The following ATP2A2 variants were observed in gnomAD, a reference collection of about 807,000 sequenced individuals.
The protein encoded by ATP2A2 is sarcoplasmic/endoplasmic reticulum calcium ATPase 2.
A neutral mutation model predicts 109.3 loss-of-function variants in ATP2A2; 14 were observed. That is an observed-to-expected ratio of 0.13 (90% CI 0.08 to 0.20). The LOEUF (loss-of-function observed/expected upper bound fraction) is 0.20, where lower values mean the gene tolerates loss of function less well. ATP2A2 is among the 10% of genes least tolerant of loss of function. The pLI, the probability that ATP2A2 is intolerant of heterozygous loss-of-function variation, is 1.00. For synonymous variants in ATP2A2, 506 were observed against 490.9 expected, an observed-to-expected ratio of 1.03 and a Z score of -0.41; for missense variants, 657 against 1,321.6, an observed-to-expected ratio of 0.50 and a Z score of 7.80.
chr12:110,342,298 C>T lies in ATP2A2; in HGVS notation c.2168C>T (p.Thr723Ile). The stretch of plus-strand genomic sequence containing the variant: ...ATTGGCATTGCTATGGGCTCTGGCA[C>T]TGCGGTGGCTAAAACCGCCTCTGAG... Reference protein sequence around the residue: ...AEIGIAMGSGTAVAKTASEMV... With the variant: ...AEIGIAMGSGIAVAKTASEMV... Residue 723 changes from threonine to isoleucine, a missense_variant, in exon 15 of 20, where the codon ACT (threonine) becomes ATT (isoleucine). Coordinates refer to ENST00000539276, the MANE Select transcript of ATP2A2 (RefSeq NM_170665.4). This position sits in a 1 kb window ranked among gnomAD's most constrained non-coding sequence, Gnocchi z 4.6. The T allele has an allele frequency of 6.2e-7, 1 of 1,614,226 alleles. No individual in the cohort carries two copies. Among genetic ancestry groups the T allele is most frequent in the Non-Finnish European group, 8.5e-7 (1 of 1,180,038 alleles).
At chr12:110,304,399 T>G (rs1875033264) in intron 5 of ATP2A2, among the ~76,000 whole-genome samples, 2 of 152,218 alleles carry the variant, frequency 1.3e-5, no homozygotes, top group South Asian at 4.1e-4. Flanking sequence ...TTGTTCTACA[T>G]TCCCACCAAC....
At chr12:110,308,329 A>AGT (rs1281406585) in intron 5 of ATP2A2, among the ~76,000 whole-genome samples, 1 of 152,164 alleles carries the variant, frequency 6.6e-6, no homozygotes, top group Non-Finnish European at 1.5e-5. Flanking sequence ...TTCACAGTGA[A>AGT]GTGTGACATA....
chr12:110,300,589 C>T (rs1874516943), intron 5 of ATP2A2, among the ~76,000 whole-genome samples: 1 of 151,514 alleles, frequency 6.6e-6, no homozygotes, highest in Non-Finnish European at 1.5e-5. Context: ...ATCCTCCCGC[C>T]TCAGCCTCCC....
chr12:110,329,894 A>G (rs1878178258), intron 8 of ATP2A2: 1 of 152,256 alleles, frequency 6.6e-6, no homozygotes, highest in African/African-American at 2.4e-5. Context: ...AAAGGTACAC[A>G]TGACTCATAC....
At position 110,346,198 on chromosome 12, in the gene ATP2A2, C is replaced by T; in HGVS notation, c.2860-3C>T. On this transcript the variant is annotated splice_polypyrimidine_tract_variant and splice_region_variant and intron_variant, in intron 19 of 19. Coordinates refer to ENST00000539276, the MANE Select transcript of ATP2A2 (RefSeq NM_170665.4). ...GGCGTGACACGTCTTCCCTGTGTGT[C>T]AGCTCATCTTCCAGATCACACCGCT... The T allele has an allele frequency of 6.2e-7, 1 of 1,614,112 alleles. No individual in the cohort carries two copies. Among genetic ancestry groups the T allele is most frequent in the Non-Finnish European group, 8.5e-7 (1 of 1,180,046 alleles).
intron 5 of ATP2A2, among the ~76,000 whole-genome samples, chr12:110,315,783 A>G (rs1876596465): frequency 6.6e-6 from 1 of 152,212 alleles, no homozygotes; most frequent in African/African-American, 2.4e-5. Flanking sequence ...TCTACTAAAA[A>G]TACAAAACTT....
In ATP2A2 at chr12:110,347,291, AAAAAT is replaced by A; in HGVS notation, c.*826_*830del. On this transcript the variant is annotated 3_prime_UTR_variant, in exon 20 of 20. Coordinates refer to ENST00000539276, the MANE Select transcript of ATP2A2 (RefSeq NM_170665.4). Reference sequence around the variant, plus strand: ...TCAGTGGCACGTCATCTAGTTTTAAAAAAATAAAACATTTTAAATGGACAGAGAAA... The same window carrying A: ...TCAGTGGCACGTCATCTAGTTTTAAAAAAACATTTTAAATGGACAGAGAAA... 1.6e-6 allele frequency: 2 copies of A among 1,260,986 alleles called. No individual in the cohort carries two copies. Among genetic ancestry groups the A allele is most frequent in the Non-Finnish European group, 2.1e-6 (2 of 971,832 alleles). The allele number at this position is 1,260,986 out of a possible 1,614,324, so 78.1% of individuals were successfully genotyped here.
At chr12:110,325,409 G>A (rs112908410) in intron 6 of ATP2A2, among the ~76,000 whole-genome samples, 2,326 of 151,658 alleles carry the variant, frequency 0.015, 55 homozygotes, top group African/African-American at 0.053. Context: ...CGAGGTGGGG[G>A]GATCACCTCA....
At chr12:110,325,095 A>G (rs1055093150) in intron 6 of ATP2A2, among the ~76,000 whole-genome samples, 3 of 152,046 alleles carry the variant, frequency 2.0e-5, no homozygotes, top group African/African-American at 7.2e-5. Flanking sequence ...TTACAGACAT[A>G]AGTCATCACA....
chr12:110,341,897 A>G (rs966899126), intron 14 of ATP2A2, among the ~76,000 whole-genome samples: 1 of 152,190 alleles, frequency 6.6e-6, no homozygotes, highest in African/African-American at 2.4e-5. Flanking sequence ...TATTTTTGCA[A>G]TCTGCATCTT....
chr12:110,339,480 A>T lies in ATP2A2; in HGVS notation c.1543-23A>T, dbSNP rs1387338410. On this transcript the variant is annotated intron_variant, in intron 12 of 19. Transcript: ENST00000539276. This position sits in a 1 kb window ranked among gnomAD's most constrained non-coding sequence, Gnocchi z 4.4. ...GTGAACCAATAAAACAAAATTGTTT[A>T]TCTAAATCTGTAACATTTCCAGGGT... The T allele has an allele frequency of 1.2e-6, 2 of 1,613,974 alleles. No homozygotes were observed. Among genetic ancestry groups the T allele is most frequent in the Admixed American group, 3.3e-5 (2 of 59,966 alleles).
At chr12:110,341,239 C>CT (rs1046067798) in intron 14 of ATP2A2, among the ~76,000 whole-genome samples, 1 of 150,712 alleles carries the variant, frequency 6.6e-6, no homozygotes, top group Non-Finnish European at 1.5e-5. Context: ...ATCTGGTGAT[C>CT]TAGTCTCTTT....
intron 5 of ATP2A2, among the ~76,000 whole-genome samples, chr12:110,305,020 G>T (rs112981283): frequency 6.6e-6 from 1 of 151,654 alleles, no homozygotes; most frequent in East Asian, 1.9e-4. Context: ...TGCAACCTCC[G>T]CCTCCTGGGT....
chr12:110,322,048 TG>T (rs1225864278), intron 5 of ATP2A2, among the ~76,000 whole-genome samples: 1 of 152,130 alleles, frequency 6.6e-6, no homozygotes, highest in Non-Finnish European at 1.5e-5. Flanking sequence ...TGGAGTGCAG[TG>T]GCGCGATCTC....
At chr12:110,296,016 G>A (rs1370645001) in intron 4 of ATP2A2, 1 of 154,776 alleles carries the variant, frequency 6.5e-6, no homozygotes, top group Admixed American at 6.3e-5. Context: ...GTAAACTTGT[G>A]TGTTGTGTAA....
chr12:110,298,452 G>T (rs1271547757), intron 5 of ATP2A2, among the ~76,000 whole-genome samples: 2 of 152,188 alleles, frequency 1.3e-5, no homozygotes, highest in African/African-American at 2.4e-5. Flanking sequence ...AGGCGTGGTG[G>T]CTCATGCCTG....
At chr12:110,291,394 C>T (rs1024531976) in intron 3 of ATP2A2, among the ~76,000 whole-genome samples, 2 of 149,352 alleles carry the variant, frequency 1.3e-5, no homozygotes, top group Admixed American at 6.7e-5. Context: ...TTAGTAGAGA[C>T]GGGGTTTCGC....
chr12:110,324,524 C>G (rs1053994700), intron 6 of ATP2A2, among the ~76,000 whole-genome samples: 1 of 152,060 alleles, frequency 6.6e-6, no homozygotes, highest in Non-Finnish European at 1.5e-5. Context: ...TGGATTCAAG[C>G]TGTTCTCCTG....
intron 6 of ATP2A2, 61 bp downstream of exon 6, chr12:110,323,133 G>GAGTT: frequency 7.8e-7 from 1 of 1,289,458 alleles, no homozygotes; most frequent in Non-Finnish European, 1.1e-6. Context: ...CATGCCAATA[G>GAGTT]AGTTGGCTCT....
Sources: allele counts gnomAD v4.1 joint callset (sites outside exome capture counted in the v4.1 genomes callset), GRCh38; gene constraint gnomAD v4.1.1; non-coding constraint Gnocchi (gnomAD v3.1); transcripts MANE v1.5; gene names NCBI Gene and HGNC (gene_info 2026-07-23, HGNC 2026-07-21).